Variants in IQSEC1 observed in about 807,000 individuals in gnomAD.
The protein encoded by IQSEC1 is IQ motif and Sec7 domain ArfGEF 1, also known as IQ motif and SEC7 domain-containing protein 1.
Under a neutral mutation model 91.0 loss-of-function variants are expected in IQSEC1, and 31 were observed. That is an observed-to-expected ratio of 0.34 (90% CI 0.26 to 0.46). IQSEC1 has a LOEUF of 0.46. IQSEC1 is among the 20% of genes least tolerant of loss of function. The pLI is 1.00. For missense variants in IQSEC1, 1,388 were observed against 1,575.6 expected, an observed-to-expected ratio of 0.88 and a Z score of 2.02; for synonymous variants, 699 against 662.6, an observed-to-expected ratio of 1.05 and a Z score of -0.84.
At chr3:13,017,157 C>T (rs1404356287) in intron 1 of IQSEC1, among the ~76,000 whole-genome samples, 4 of 147,140 alleles carry the variant, frequency 2.7e-5, no homozygotes, top group Non-Finnish European at 6.0e-5. Flanking sequence ...CCCTTCTTGA[C>T]CTCCCCAGGC....
chr3:13,003,728 G>C (rs568628651), intron 1 of IQSEC1, among the ~76,000 whole-genome samples: 1 of 152,332 alleles, frequency 6.6e-6, no homozygotes, highest in African/African-American at 2.4e-5. Context: ...TGGGACAACA[G>C]GCGAAATGTG....
At chr3:13,039,637 G>A (rs137977677) in intron 1 of IQSEC1, among the ~76,000 whole-genome samples, 1,682 of 152,330 alleles carry the variant, frequency 0.011, 35 homozygotes, top group African/African-American at 0.036. Flanking sequence ...CAAGGGCCAT[G>A]AGAGGTGAGC....
intron 1 of IQSEC1, chr3:13,022,443 A>G (rs1703442016): frequency 2.0e-6 from 2 of 1,025,268 alleles, no homozygotes; most frequent in Non-Finnish European, 2.3e-6. Context: ...AGGAGACAGC[A>G]GTGGCTGCAG....
At chr3:13,114,258 G>T (rs778257962) in intron 2 of IQSEC1, among the ~76,000 whole-genome samples, 3 of 152,140 alleles carry the variant, frequency 2.0e-5, no homozygotes, top group Non-Finnish European at 4.4e-5. Context: ...TTTTTCTCGG[G>T]TGTGGCTCTC....
At position 12,935,362 on chromosome 3, in the gene IQSEC1, G is replaced by T; in HGVS notation, c.1568+86C>A. The T allele has an allele frequency of 7.4e-7, 1 of 1,348,104 alleles. No homozygotes were observed. The highest frequency in any genetic ancestry group is 1.0e-6 in the Non-Finnish European group (1 of 972,696). 83.5% of individuals were successfully genotyped at this position (1,348,104 alleles called of 1,614,324 possible). On this transcript the variant is annotated intron_variant, in intron 3 of 13. Transcript: ENST00000613206. This position sits in a 1 kb window ranked among gnomAD's most constrained non-coding sequence, Gnocchi z 8.0. ...TAGGCCACGGTGGACCTCAAGCTCC[G>T]TGCTTGGAAGGATGCAGCCACGCCC...
intron 1 of IQSEC1, among the ~76,000 whole-genome samples, chr3:13,021,468 T>G (rs886278094): frequency 4.6e-5 from 7 of 152,260 alleles, no homozygotes; most frequent in African/African-American, 1.7e-4. Flanking sequence ...TAGTGTGTAT[T>G]ACCTCACTGA....
chr3:13,063,249 G>A (rs931313597), intron 1 of IQSEC1, among the ~76,000 whole-genome samples: 2 of 152,238 alleles, frequency 1.3e-5, no homozygotes, highest in African/African-American at 4.8e-5. Context: ...CCTTCAACCA[G>A]TGACAAGTCA....
intron 1 of IQSEC1, among the ~76,000 whole-genome samples, chr3:13,209,152 A>G (rs1289310936): frequency 6.6e-6 from 1 of 152,204 alleles, no homozygotes; most frequent in Non-Finnish European, 1.5e-5. Flanking sequence ...GCAGGGACAC[A>G]TGTGGGCAGA....
chr3:13,127,906 A>G (rs866959623), intron 2 of IQSEC1, among the ~76,000 whole-genome samples: 1 of 152,202 alleles, frequency 6.6e-6, no homozygotes, highest in Non-Finnish European at 1.5e-5. Context: ...AGAAGAATCT[A>G]ATTTTCTTTG....
rs999343343 is a variant in IQSEC1 at position 13,273,244 on chromosome 3, A to C, written c.272+9467T>G. On this transcript the variant is annotated intron_variant, in intron 1 of 15. Coordinates refer to the IQSEC1 transcript ENST00000648114. The stretch of plus-strand genomic sequence containing the variant: ...CTGGCTCCTGGCCACCGTGCTGCCC[A>C]AATACTCCACCGGGAGCCTCACCCA... Among the ~76,000 whole-genome samples the C allele has an allele frequency of 2.0e-5, 3 of 152,250 alleles. No homozygotes were observed. The South Asian group carries it at 6.2e-4, about 32-fold the overall frequency.
In IQSEC1 at chr3:12,983,811, C is replaced by T. The variant is rs1041529150; in HGVS notation, c.24-41946G>A. 3.3e-5 allele frequency among the ~76,000 whole-genome samples: 5 copies of T among 152,158 alleles called. No homozygotes were observed. The highest frequency in any genetic ancestry group is 1.3e-4 in the Admixed American group (2 of 15,270). ...ACCCCACTTATGCCCAGCCTCAGCA[C>T]GGCGCCTGGCACAACTAGCTGCTGG... On this transcript the variant is annotated intron_variant, in intron 1 of 13. Transcript: ENST00000613206. The surrounding 1 kb of genome is among the most constrained non-coding windows in gnomAD (Gnocchi z 4.3).
chr3:13,041,701 C>A (rs113700149), intron 1 of IQSEC1, among the ~76,000 whole-genome samples: 35 of 152,312 alleles, frequency 2.3e-4, no homozygotes, highest in Middle Eastern at 3.4e-3. Flanking sequence ...GTGGTGCCTG[C>A]AGCCCCTGTC....
In IQSEC1 at chr3:12,897,084, G is replaced by A. The variant is rs1693722496; in HGVS notation, c.*3899C>T. On this transcript the variant is annotated 3_prime_UTR_variant, in exon 14 of 14. Transcript: ENST00000613206. ...CCTTTATTTTAAATTTTGTATCAGTGTCCTCAGTCAGTCCAATGTCTTCAA... is the reference window on the plus strand; with the variant it reads ...CCTTTATTTTAAATTTTGTATCAGTATCCTCAGTCAGTCCAATGTCTTCAA... 6.6e-6 allele frequency: 1 copy of A among 152,180 alleles called. No homozygotes were observed. The highest frequency in any genetic ancestry group is 2.4e-5 in the African/African-American group (1 of 41,428). The allele number at this position is 152,180 out of a possible 1,614,324, so 9.4% of individuals were successfully genotyped here.
At position 12,941,577 on chromosome 3, in the gene IQSEC1, G is replaced by A. The variant is rs1698749655; in HGVS notation, c.312C>T (p.Asp104=). 2 of 1,573,250 alleles carry A rather than the reference G, an allele frequency of 1.3e-6. No individual in the cohort carries two copies. The highest frequency in any genetic ancestry group is 1.8e-5 in the Admixed American group (1 of 56,872). The change falls in exon 2 of 14, where the codon GAC becomes GAT. Residue 104 remains aspartate (D), a synonymous_variant. Coordinates refer to ENST00000613206, the MANE Select transcript of IQSEC1 (RefSeq NM_001134382.3). ...AGGGGCTGTGCTCTCCTACCTGCTT[G>A]TCCTGCAGGTCCGAGGAGAGCTCAT... ...ESYELSSDLQ[D]KQVEMLERKY... is the part of the protein sequence containing the mutation.
chr3:13,191,395 G>A (rs1035889955), intron 1 of IQSEC1, among the ~76,000 whole-genome samples: 3 of 151,386 alleles, frequency 2.0e-5, no homozygotes, highest in Non-Finnish European at 4.4e-5. Flanking sequence ...AACCACAGCC[G>A]TGTTTCGGGC....
intron 2 of IQSEC1, among the ~76,000 whole-genome samples, chr3:13,162,179 C>G (rs1040427360): frequency 6.6e-6 from 1 of 152,220 alleles, no homozygotes; most frequent in Non-Finnish European, 1.5e-5. Context: ...AGGGCGACCC[C>G]GTAAGGGACC....
In IQSEC1 at chr3:13,000,948, CTTTT is replaced by C. The variant is rs10553726; in HGVS notation, c.24-59087_24-59084del. On this transcript the variant is annotated intron_variant, in intron 1 of 13. Transcript: ENST00000613206. ...TGGGGAGTGACTTACCCAAGTGAGT[CTTTT>C]TTTTTTTTTTTTTTTTGAGACAGAG... Among the ~76,000 whole-genome samples, 980 of 121,898 alleles carry C rather than the reference CTTTT, an allele frequency of 8.0e-3. 7 individuals carry two copies. Among genetic ancestry groups the C allele is most frequent in the Non-Finnish European group, 0.012 (692 of 59,186 alleles). 80.0% of individuals were successfully genotyped at this position (121,898 alleles called of 152,430 possible). A position where few individuals can be genotyped will look rare whatever the true frequency, so the allele number is the denominator to read the frequency against.
intron 1 of IQSEC1, among the ~76,000 whole-genome samples, chr3:13,203,925 A>T (rs936592624): frequency 6.6e-6 from 1 of 152,106 alleles, no homozygotes; most frequent in South Asian, 2.1e-4. Flanking sequence ...GGCCTGGCAG[A>T]CCCCGTCCCA....
intron 1 of IQSEC1, among the ~76,000 whole-genome samples, chr3:13,072,184 G>A (rs1253759979): frequency 6.6e-6 from 1 of 152,222 alleles, no homozygotes; most frequent in East Asian, 1.9e-4. Context: ...AGTGGGTCCT[G>A]GGCAAATAGT....
Sources: allele counts gnomAD v4.1 joint callset (sites outside exome capture counted in the v4.1 genomes callset), GRCh38; gene constraint gnomAD v4.1.1; non-coding constraint Gnocchi (gnomAD v3.1); transcripts MANE v1.5; gene names NCBI Gene and HGNC (gene_info 2026-07-23, HGNC 2026-07-21).